ARHGEF12: variants seen among roughly 807,000 people sequenced by gnomAD.
The protein encoded by ARHGEF12 is Rho guanine nucleotide exchange factor 12.
ARHGEF12 carries 66 observed loss-of-function variants against 211.2 expected under a neutral mutation model. The observed-to-expected ratio is 0.31, with a 90% CI of 0.26 to 0.38. The LOEUF (loss-of-function observed/expected upper bound fraction) is 0.38. Among genes scored for constraint, ARHGEF12 ranks in the 10% least tolerant of loss-of-function variants. The pLI is 1.00. For synonymous variants in ARHGEF12, 592 were observed against 638.4 expected, an observed-to-expected ratio of 0.93 and a Z score of 1.09; for missense variants, 1,429 against 1,869.5, an observed-to-expected ratio of 0.76 and a Z score of 4.34.
intron 4 of ARHGEF12, among the ~76,000 whole-genome samples, chr11:120,419,250 T>C (rs959169347): frequency 6.6e-6 from 1 of 151,086 alleles, no homozygotes; most frequent in Non-Finnish European, 1.5e-5. Flanking sequence ...CCGGCCTGCC[T>C]TTTCATTTTC....
intron 1 of ARHGEF12, among the ~76,000 whole-genome samples, chr11:120,388,261 A>G (rs550526082): frequency 2.0e-5 from 3 of 152,260 alleles, no homozygotes; most frequent in East Asian, 1.9e-4. Flanking sequence ...TTTACTCTGC[A>G]TAATTATTTT....
chr11:120,446,070 C>T (rs1043641030), intron 16 of ARHGEF12, among the ~76,000 whole-genome samples: 1 of 147,980 alleles, frequency 6.8e-6, no homozygotes, highest in Non-Finnish European at 1.5e-5. Context: ...TGGTGGCGGG[C>T]GCCTGTTGTC....
chr11:120,471,138 T>C (rs541931859), intron 30 of ARHGEF12, among the ~76,000 whole-genome samples: 1 of 152,322 alleles, frequency 6.6e-6, no homozygotes, highest in South Asian at 2.1e-4. Flanking sequence ...GATAAAGATA[T>C]ACCCACAAAC....
intron 1 of ARHGEF12, among the ~76,000 whole-genome samples, chr11:120,401,569 A>AGGATGCCTT (rs1414725053): frequency 2.6e-5 from 4 of 152,234 alleles, no homozygotes; most frequent in Admixed American, 2.6e-4. Context: ...TCCAGCCCAC[A>AGGATGCCTT]GGATGCCTTA....
chr11:120,336,570 A>G lies in ARHGEF12; in HGVS notation c.-674A>G, dbSNP rs1942354922. Among the ~76,000 whole-genome samples the G allele has an allele frequency of 6.6e-6, 1 of 151,884 alleles. No homozygotes were observed. Among genetic ancestry groups the G allele is most frequent in the Non-Finnish European group, 1.5e-5 (1 of 67,914 alleles). On this transcript the variant is annotated 5_prime_UTR_variant, in exon 1 of 41. Transcript: ENST00000397843. ...CGATTGCGGAAGAGTCCGGGCCTCA[A>G]AGGGATGGGGAGCAGTCCGCGGCGC... is the stretch of plus-strand genomic sequence containing the variant.
chr11:120,352,852 G>A (rs1268504583), intron 1 of ARHGEF12, among the ~76,000 whole-genome samples: 1 of 152,156 alleles, frequency 6.6e-6, no homozygotes, highest in Admixed American at 6.5e-5. Context: ...GCCTCTTCCT[G>A]CCTATATCAG....
intron 6 of ARHGEF12, 123 bp from the exon 7 acceptor site, chr11:120,424,235 T>A: frequency 1.8e-6 from 1 of 568,670 alleles, no homozygotes; most frequent in Non-Finnish European, 3.0e-6. Context: ...AATACATAAA[T>A]ATTTTAATGT....
intron 1 of ARHGEF12, chr11:120,385,606 AT>A (rs1365780703): frequency 4.7e-5 from 22 of 469,118 alleles, no homozygotes; most frequent in Admixed American, 6.4e-5. Context: ...GGAAAAGGAT[AT>A]TTTTACATTG....
chr11:120,414,685 C>T (rs1944979415), intron 4 of ARHGEF12, among the ~76,000 whole-genome samples: 1 of 152,152 alleles, frequency 6.6e-6, no homozygotes, highest in African/African-American at 2.4e-5. Context: ...ACTCATATGG[C>T]ACCAAGAACA....
rs201634097 is a variant in ARHGEF12, at chr11:120,380,213, AAC to A, written c.33-25901_33-25900del. Among the ~76,000 whole-genome samples, 309 of 152,322 alleles carry A rather than the reference AAC, an allele frequency of 2.0e-3. 7 individuals are homozygous for A. In the Middle Eastern group the frequency reaches 0.024, roughly 12 times the overall value. On this transcript the variant is annotated intron_variant, in intron 1 of 40. Coordinates refer to ENST00000397843, the MANE Select transcript of ARHGEF12 (RefSeq NM_015313.3). ...TTATTTAGAGAAAAGTTGCATAAAT[AAC>A]ACAGAAAATTCACGTAGAGTTCCCA...
In ARHGEF12 at chr11:120,451,529, C is replaced by G; in HGVS notation, c.1861C>G (p.Leu621Val). 6.2e-7 allele frequency: 1 copy of G among 1,614,100 alleles called. No individual in the cohort carries two copies. Among genetic ancestry groups the G allele is most frequent in the East Asian group, 2.2e-5 (1 of 44,864 alleles). Reference sequence around the variant, plus strand: ...CTGATCAGTTGGCAGAGCCATGGAACTACAGAAGGCGCGCCACCCTAAGCA... The same window carrying G: ...CTGATCAGTTGGCAGAGCCATGGAAGTACAGAAGGCGCGCCACCCTAAGCA... ...DNSAIGRAMELQKARHPKHLS... is the reference protein window; with the variant it reads ...DNSAIGRAMEVQKARHPKHLS... Residue 621 changes from leucine to valine, a missense_variant, in exon 22 of 41, where the codon CTA becomes GTA. Leu to Val is a conservative substitution (Grantham distance 32). Around this residue, in one of 7 missense-constraint regions of ARHGEF12, gnomAD observed 373 missense variants for 467.5 expected, o/e 0.80. Transcript: ENST00000397843.
intron 7 of ARHGEF12, among the ~76,000 whole-genome samples, chr11:120,425,827 A>G (rs1945331147): frequency 6.6e-6 from 1 of 152,176 alleles, no homozygotes; most frequent in African/African-American, 2.4e-5. Flanking sequence ...AGGAATTAAA[A>G]AAAGAATTTA....
chr11:120,415,901 G>A (rs1006758694), intron 4 of ARHGEF12, among the ~76,000 whole-genome samples: 1 of 152,174 alleles, frequency 6.6e-6, no homozygotes, highest in Non-Finnish European at 1.5e-5. Flanking sequence ...ACATTAGCAG[G>A]TAAATATAAA....
chr11:120,478,471 A>G (rs951937169), intron 37 of ARHGEF12, 82 bp downstream of exon 37: 4 of 1,245,400 alleles, frequency 3.2e-6, no homozygotes, highest in African/African-American at 3.0e-5. Flanking sequence ...GGATTTATCA[A>G]ACTCCACTTA....
chr11:120,399,354 AAAG>A lies in ARHGEF12; in HGVS notation c.33-6761_33-6759del, dbSNP rs1187876442. ...AAAAAAAAAAAAAAAAAAAAAAAGA[AAAG>A]AAAGATAAATAGATCTATGTCTAGT... On this transcript the variant is annotated intron_variant, in intron 1 of 40. Transcript: ENST00000397843. Among the ~76,000 whole-genome samples the A allele has an allele frequency of 2.0e-5, 3 of 150,068 alleles. No individual in the cohort carries two copies. In the South Asian group the frequency reaches 6.3e-4, roughly 32 times the overall value.
intron 5 of ARHGEF12, among the ~76,000 whole-genome samples, chr11:120,421,317 T>G (rs1343883391): frequency 2.0e-5 from 3 of 152,136 alleles, no homozygotes; most frequent in Non-Finnish European, 4.4e-5. Flanking sequence ...TTATCCCCAT[T>G]TTATAGGTGA....
rs374683182 is a variant in ARHGEF12 at position 120,458,132 on chromosome 11, A to T, written c.2278A>T (p.Asn760Tyr). The T allele has an allele frequency of 1.2e-6, 2 of 1,608,912 alleles. No individual in the cohort carries two copies. Among genetic ancestry groups the T allele is most frequent in the Non-Finnish European group, 1.7e-6 (2 of 1,178,994 alleles). ...ESQSEDEQFENDLETDPPNWQ... is the reference protein window; with the variant it reads ...ESQSEDEQFEYDLETDPPNWQ... ...TCAAAGTGAGGATGAACAATTTGAA[A>T]ATGACTTAGAGACAGATCCACCCAA... The change falls in exon 25 of 41, where the codon AAT (asparagine) becomes TAT (tyrosine). Residue 760 changes from asparagine (N) to tyrosine (Y), a missense_variant. Transcript: ENST00000397843.
intron 1 of ARHGEF12, among the ~76,000 whole-genome samples, chr11:120,384,649 A>G (rs893928771): frequency 6.6e-6 from 1 of 152,242 alleles, no homozygotes; most frequent in African/African-American, 2.4e-5. Flanking sequence ...AATGCCAGAC[A>G]TAATGCCTAG....
chr11:120,478,256 T>G lies in ARHGEF12; in HGVS notation c.3633T>G (p.Ala1211=), dbSNP rs749493197. 1 of 1,614,078 alleles carries G rather than the reference T, an allele frequency of 6.2e-7. No individual in the cohort carries two copies. The highest frequency in any genetic ancestry group is 1.3e-5 in the African/African-American group (1 of 74,932). Residue 1211 remains alanine, a synonymous_variant, in exon 37 of 41, where the codon GCT becomes GCG. Coordinates refer to ENST00000397843, the MANE Select transcript of ARHGEF12 (RefSeq NM_015313.3). ...CAGAGGTACGTGATCTGTTTGTGGC[T>G]GAGAGACAGTTTGCAAAGGAACAAC... ...GKSEVRDLFV[A]ERQFAKEQHT...
Sources: allele counts gnomAD v4.1 joint callset (sites outside exome capture counted in the v4.1 genomes callset), GRCh38; gene constraint gnomAD v4.1.1; regional missense constraint gnomAD v4.1.1; transcripts MANE v1.5; gene names NCBI Gene and HGNC (gene_info 2026-07-23, HGNC 2026-07-21).